NINJ2: variants seen among roughly 807,000 people sequenced by gnomAD.
The protein encoded by NINJ2 is ninjurin 2.
Under a neutral mutation model 11.7 loss-of-function variants are expected in NINJ2, and 12 were observed. The observed-to-expected ratio is 1.02, with a 90% CI of 0.66 to 1.66. The LOEUF is 1.66. Ranked by LOEUF, NINJ2 falls within the 40% of genes most tolerant of loss-of-function variation. The pLI is 0.00. For missense variants in NINJ2, 187 were observed against 181.8 expected (o/e 1.03, Z -0.16); for synonymous variants, 93 against 76.8 (o/e 1.21, Z -1.10).
At position 585,043 on chromosome 12, in the gene NINJ2, G is replaced by A. The variant is rs536255210; in HGVS notation, c.34-18865C>T. The stretch of plus-strand genomic sequence containing the variant: ...CTGAGGCAGGAGAATCACTTGAACC[G>A]GGGAGGCGGAGGTTGAAGTGGGCTG... On this transcript the variant is annotated intron_variant, in intron 1 of 3. Transcript: ENST00000305108. This position sits in a 1 kb window ranked among gnomAD's most constrained non-coding sequence, Gnocchi z 4.1. Among the ~76,000 whole-genome samples, 6 of 152,184 alleles carry A rather than the reference G, an allele frequency of 3.9e-5. No homozygotes were observed. Among genetic ancestry groups the A allele is most frequent in the Admixed American group, 6.5e-5 (1 of 15,286 alleles).
Position 640,839 on chromosome 12 carries a change from T to C in NINJ2, c.33+22489A>G, listed in dbSNP as rs1344914020. 1 of 152,290 alleles carries C rather than the reference T, an allele frequency of 6.6e-6. No individual in the cohort carries two copies. The highest frequency in any genetic ancestry group is 1.5e-5 in the Non-Finnish European group (1 of 68,170). The allele number at this position is 152,290 out of a possible 1,614,324, so 9.4% of individuals were successfully genotyped here. A position where few individuals can be genotyped will look rare whatever the true frequency, so the allele number is the denominator to read the frequency against. On this transcript the variant is annotated intron_variant, in intron 1 of 3. Coordinates refer to ENST00000305108, the MANE Select transcript of NINJ2 (RefSeq NM_016533.6). This position sits in a 1 kb window ranked among gnomAD's most constrained non-coding sequence, Gnocchi z 4.0. ...GTTCTGTTTGTGTTGTGTTTACTCA[T>C]ACAGAAAAGGAGAATCATACCCCCA...
At chr12:588,189 AGG>A (rs1947668916) in intron 1 of NINJ2, among the ~76,000 whole-genome samples, 1 of 135,986 alleles carries the variant, frequency 7.4e-6, no homozygotes, top group Non-Finnish European at 1.6e-5. Flanking sequence ...AAGGGACGGA[AGG>A]GACGGAGGGG....
rs1380305838 is a variant in NINJ2, at chr12:609,233, C to T, written c.34-43055G>A. On this transcript the variant is annotated intron_variant, in intron 1 of 3. Transcript: ENST00000305108. Reference sequence around the variant, plus strand: ...CCACGCGCTAGGGGCTGAACGCGCACGCACGGCGCCACGCTAGGGGCTGTA... The same window carrying T: ...CCACGCGCTAGGGGCTGAACGCGCATGCACGGCGCCACGCTAGGGGCTGTA... Among the ~76,000 whole-genome samples, 620 of 129,624 alleles carry T rather than the reference C, an allele frequency of 4.8e-3. 27 individuals are homozygous for T. The highest frequency in any genetic ancestry group is 8.1e-3 in the Non-Finnish European group (446 of 54,966). 85.0% of individuals were successfully genotyped at this position (129,624 alleles called of 152,430 possible).
intron 1 of NINJ2, among the ~76,000 whole-genome samples, chr12:570,103 G>T (rs1172717718): frequency 6.6e-6 from 1 of 152,222 alleles, no homozygotes; most frequent in East Asian, 1.9e-4. Context: ...CACCAAACGC[G>T]TGCGTCAAGC....
At chr12:641,655 T>C (rs1948417806) in intron 1 of NINJ2, among the ~76,000 whole-genome samples, 1 of 151,472 alleles carries the variant, frequency 6.6e-6, no homozygotes, top group African/African-American at 2.4e-5. Context: ...CCATCCTGGC[T>C]AACAGGGTGA....
chr12:629,662 T>G (rs1948247901), intron 1 of NINJ2, among the ~76,000 whole-genome samples: 1 of 151,156 alleles, frequency 6.6e-6, no homozygotes. Flanking sequence ...CCGAGGCAGG[T>G]GGATCACCTG....
chr12:578,637 G>A (rs1947504959), intron 1 of NINJ2, among the ~76,000 whole-genome samples: 2 of 152,096 alleles, frequency 1.3e-5, no homozygotes, highest in Admixed American at 6.6e-5. Flanking sequence ...CATTTTTTAA[G>A]TATTAGAGCT....
intron 1 of NINJ2, among the ~76,000 whole-genome samples, chr12:574,548 A>G (rs1294978695): frequency 6.6e-6 from 1 of 151,670 alleles, no homozygotes; most frequent in African/African-American, 2.4e-5. Context: ...TTAAAAAAAA[A>G]AAAAAGGTGA....
rs751592130 is a variant in NINJ2 at position 663,364 on chromosome 12, G to A, written c.-4C>T. ...TGTTTTCTCTTGCTGATTCCATCTCGCTGCCCTCAAGTCCCTTCACACGCA... is the reference window on the plus strand; with the variant it reads ...TGTTTTCTCTTGCTGATTCCATCTCACTGCCCTCAAGTCCCTTCACACGCA... On this transcript the variant is annotated 5_prime_UTR_variant, in exon 1 of 4. Transcript: ENST00000305108. 2.0e-5 allele frequency: 32 copies of A among 1,613,990 alleles called. No individual in the cohort carries two copies. The Admixed American group carries it at 4.3e-4, about 22-fold the overall frequency.
In NINJ2 at chr12:580,323, C is replaced by A. The variant is rs1462665771; in HGVS notation, c.34-14145G>T. The stretch of plus-strand genomic sequence containing the variant: ...CATTTGTCAGCAGTGCATGGTGGCT[C>A]ACACCTGTAATCCCAGCACTTTGGG... On this transcript the variant is annotated intron_variant, in intron 1 of 3. Coordinates refer to ENST00000305108, the MANE Select transcript of NINJ2 (RefSeq NM_016533.6). The surrounding 1 kb of genome is among the most constrained non-coding windows in gnomAD (Gnocchi z 4.7). Among the ~76,000 whole-genome samples, 2 of 152,152 alleles carry A rather than the reference C, an allele frequency of 1.3e-5. No homozygotes were observed. Among genetic ancestry groups the A allele is most frequent in the African/African-American group, 4.8e-5 (2 of 41,428 alleles).
At chr12:593,236 T>G (rs1947738353) in intron 1 of NINJ2, among the ~76,000 whole-genome samples, 1 of 152,210 alleles carries the variant, frequency 6.6e-6, no homozygotes, top group African/African-American at 2.4e-5. Flanking sequence ...GCACAATTAC[T>G]AAGAACTCTT....
chr12:610,647 G>A (rs1247227352), intron 1 of NINJ2: 15 of 984,930 alleles, frequency 1.5e-5, no homozygotes, highest in South Asian at 4.7e-5. Flanking sequence ...TGGCTCTAGA[G>A]TCTGAAGGAG....
chr12:626,685 T>C (rs770101096), intron 1 of NINJ2, among the ~76,000 whole-genome samples: 3 of 152,214 alleles, frequency 2.0e-5, no homozygotes, highest in Non-Finnish European at 4.4e-5. Flanking sequence ...GCTTTCTCAC[T>C]AGCTGACACG....
At chr12:624,179 T>C (rs1948186374) in intron 1 of NINJ2, among the ~76,000 whole-genome samples, 1 of 152,216 alleles carries the variant, frequency 6.6e-6, no homozygotes, top group African/African-American at 2.4e-5. Context: ...TTCTCTACAA[T>C]GTTACCCCAC....
chr12:627,991 TCCCTGCCGCATCCTCCCCG>T (rs1351694692), intron 1 of NINJ2, among the ~76,000 whole-genome samples: 34 of 152,188 alleles, frequency 2.2e-4, no homozygotes, highest in African/African-American at 8.2e-4. Context: ...CCTGTCCCTG[TCCCTGCCGCATCCTCCCCG>T]CCCTGCCCCC....
chr12:648,984 A>ATCTG (rs1555167417), intron 1 of NINJ2, among the ~76,000 whole-genome samples: 394 of 32,930 alleles, frequency 0.012, no homozygotes, highest in Non-Finnish European at 0.023. Context: ...CCACCTATCT[A>ATCTG]TCTATCTATC....
chr12:569,935 C>T (rs1047907176), intron 1 of NINJ2, among the ~76,000 whole-genome samples: 1 of 152,138 alleles, frequency 6.6e-6, no homozygotes, highest in East Asian at 1.9e-4. Flanking sequence ...CACGGTGGCG[C>T]GCGCGGTCCA....
At chr12:609,373 G>A (rs1947993982) in intron 1 of NINJ2, among the ~76,000 whole-genome samples, 1 of 152,126 alleles carries the variant, frequency 6.6e-6, no homozygotes, top group Admixed American at 6.6e-5. Flanking sequence ...GCAAAGATGA[G>A]TAAAATGCAG....
intron 1 of NINJ2, among the ~76,000 whole-genome samples, chr12:618,417 C>A (rs78674560): frequency 0.054 from 7,790 of 143,848 alleles, 466 homozygotes; most frequent in East Asian, 0.13. Flanking sequence ...CACTCTGGAA[C>A]CCCAGAACAG....
Sources: gnomAD v4.1 joint callset for allele counts (sites outside exome capture counted in the v4.1 genomes callset) on GRCh38, gnomAD v4.1.1 for gene constraint, Gnocchi (gnomAD v3.1) non-coding constraint, MANE v1.5 for transcripts, NCBI Gene and HGNC (gene_info 2026-07-23, HGNC 2026-07-21) for gene names.